Variants in ROBO1 observed in about 807,000 individuals in gnomAD.
ROBO1 encodes roundabout homolog 1.
In ROBO1, 149 loss-of-function variants were observed where a neutral mutation model predicts 195.9. The observed-to-expected ratio is 0.76, with a 90% CI of 0.67 to 0.87. ROBO1 has a LOEUF of 0.87. Ranked by LOEUF, ROBO1 falls within the 40% of genes least tolerant of loss-of-function variation. The pLI is 0.00. For synonymous variants in ROBO1, 816 were observed against 733.2 expected (o/e 1.11, Z -1.82); for missense variants, 1,933 against 2,068.3 (o/e 0.93, Z 1.27).
chr3:79,455,307 T>C (rs2039582263), intron 2 of ROBO1, among the ~76,000 whole-genome samples: 1 of 152,104 alleles, frequency 6.6e-6, no homozygotes, highest in African/African-American at 2.4e-5. Flanking sequence ...TAGTTTTTGG[T>C]TAATACAGCT....
At chr3:78,886,989 G>A (rs762896814) in intron 4 of ROBO1, among the ~76,000 whole-genome samples, 2 of 151,906 alleles carry the variant, frequency 1.3e-5, no homozygotes, top group Admixed American at 1.3e-4. Flanking sequence ...TACACCTTTA[G>A]TTATGTAATT....
At chr3:79,341,157 T>C (rs141010668) in intron 2 of ROBO1, among the ~76,000 whole-genome samples, 15 of 152,308 alleles carry the variant, frequency 9.8e-5, no homozygotes, top group African/African-American at 3.6e-4. Flanking sequence ...AAAATAAATC[T>C]GATTGTACTG....
chr3:78,714,288 T>C, intron 8 of ROBO1, 109 bp downstream of exon 8: 1 of 1,076,458 alleles, frequency 9.3e-7, no homozygotes, highest in Non-Finnish European at 1.3e-6. Flanking sequence ...TTTAGAGCAA[T>C]ACTTAAAGTC....
At chr3:79,429,607 C>A (rs1402402882) in intron 2 of ROBO1, among the ~76,000 whole-genome samples, 1 of 152,110 alleles carries the variant, frequency 6.6e-6, no homozygotes, top group African/African-American at 2.4e-5. Flanking sequence ...AACAAGAAAG[C>A]TCCTGGCAGC....
Position 79,487,051 on chromosome 3 carries a change from TC to T in ROBO1, c.88+102772del, listed in dbSNP as rs34260626. 2.4e-3 allele frequency among the ~76,000 whole-genome samples: 367 copies of T among 152,286 alleles called. 2 individuals carry two copies. The highest frequency in any genetic ancestry group is 8.3e-3 in the African/African-American group (347 of 41,572). The stretch of plus-strand genomic sequence containing the variant: ...CACCCCTAGAGACTCAAGGTCCTTT[TC>T]CTTTGTCTTGTCACTCCTCTAAAAG... On this transcript the variant is annotated intron_variant, in intron 2 of 30. Transcript: ENST00000464233.
chr3:79,691,969 T>C (rs981350290), intron 1 of ROBO1, among the ~76,000 whole-genome samples: 2 of 151,918 alleles, frequency 1.3e-5, no homozygotes. Flanking sequence ...CTTTATCAAG[T>C]GTATCTTCCA....
intron 1 of ROBO1, among the ~76,000 whole-genome samples, chr3:79,661,495 TG>T (rs1241250364): frequency 6.6e-6 from 1 of 152,078 alleles, no homozygotes; most frequent in Non-Finnish European, 1.5e-5. Context: ...ACTGCTTAAA[TG>T]TATCATTTCT....
chr3:78,973,059 T>G (rs887285400), intron 3 of ROBO1, among the ~76,000 whole-genome samples: 1 of 152,194 alleles, frequency 6.6e-6, no homozygotes, highest in African/African-American at 2.4e-5. Flanking sequence ...CACTTGGCTT[T>G]TAAGTCTGAT....
At chr3:78,992,915 C>G (rs1035508638) in intron 3 of ROBO1, among the ~76,000 whole-genome samples, 5 of 152,150 alleles carry the variant, frequency 3.3e-5, no homozygotes, top group Admixed American at 3.3e-4. Context: ...GCTGAAGCAG[C>G]AGTAAGGACA....
chr3:79,149,185 A>G (rs1031063587), intron 2 of ROBO1, among the ~76,000 whole-genome samples: 1 of 151,950 alleles, frequency 6.6e-6, no homozygotes, highest in Non-Finnish European at 1.5e-5. Flanking sequence ...GCGTTCAGAT[A>G]ATTATATCAC....
At chr3:79,764,405 G>A (rs1368926807) in intron 1 of ROBO1, among the ~76,000 whole-genome samples, 1 of 152,178 alleles carries the variant, frequency 6.6e-6, no homozygotes, top group African/African-American at 2.4e-5. Context: ...TTTGTCTGTG[G>A]TCTCAGAAAG....
At chr3:79,295,641 A>C (rs898585743) in intron 2 of ROBO1, among the ~76,000 whole-genome samples, 1 of 152,016 alleles carries the variant, frequency 6.6e-6, no homozygotes, top group African/African-American at 2.4e-5. Context: ...GCTTCTTGAA[A>C]AAGAAGGTAA....
intron 2 of ROBO1, among the ~76,000 whole-genome samples, chr3:79,479,925 C>A (rs1041032138): frequency 4.6e-5 from 7 of 152,262 alleles, no homozygotes; most frequent in African/African-American, 1.4e-4. Flanking sequence ...CATGGAAGTT[C>A]GCATTCCCTA....
At chr3:78,783,278 G>A (rs1357288212) in intron 4 of ROBO1, among the ~76,000 whole-genome samples, 1 of 152,010 alleles carries the variant, frequency 6.6e-6, no homozygotes. Context: ...ATGTCCATGT[G>A]TACACATTGG....
At chr3:79,079,777 TA>T (rs997104679) in intron 3 of ROBO1, among the ~76,000 whole-genome samples, 4 of 151,548 alleles carry the variant, frequency 2.6e-5, no homozygotes, top group African/African-American at 7.3e-5. Context: ...AAAAATAAAA[TA>T]AAAAACATAA....
intron 8 of ROBO1, among the ~76,000 whole-genome samples, chr3:78,700,577 G>C (rs1205780349): frequency 2.0e-5 from 3 of 152,066 alleles, no homozygotes; most frequent in Non-Finnish European, 4.4e-5. Flanking sequence ...TAGTAAGAAG[G>C]CATCAGGCTT....
chr3:79,532,800 A>T lies in ROBO1; in HGVS notation c.88+57024T>A, dbSNP rs1020409020. 8.5e-5 allele frequency among the ~76,000 whole-genome samples: 13 copies of T among 152,288 alleles called. No homozygotes were observed. The East Asian group carries it at 2.5e-3, about 29-fold the overall frequency. On this transcript the variant is annotated intron_variant, in intron 2 of 30. Transcript: ENST00000464233. ...AAATATCAGGAGCAATTCAGACAAG[A>T]GCTGGCTTCCAAACAGAGAGGCCTC... is the stretch of plus-strand genomic sequence containing the variant.
At chr3:79,168,940 T>C (rs1387072132) in intron 2 of ROBO1, among the ~76,000 whole-genome samples, 2 of 152,138 alleles carry the variant, frequency 1.3e-5, no homozygotes, top group Non-Finnish European at 2.9e-5. Context: ...AGTTGAAAAC[T>C]TGAAGAATTA....
intron 1 of ROBO1, among the ~76,000 whole-genome samples, chr3:79,631,202 A>T (rs6548636): frequency 6.6e-6 from 1 of 151,646 alleles, no homozygotes; most frequent in East Asian, 1.9e-4. Flanking sequence ...AAACAAAGAA[A>T]AAAAAGAACA....
Sources: allele counts gnomAD v4.1 joint callset (sites outside exome capture counted in the v4.1 genomes callset), GRCh38; gene constraint gnomAD v4.1.1; transcripts MANE v1.5; gene names NCBI Gene and HGNC (gene_info 2026-07-23, HGNC 2026-07-21).